PDE4B: variants seen among roughly 807,000 people sequenced by gnomAD.
The protein encoded by PDE4B is phosphodiesterase 4B, also known as 3',5'-cyclic-AMP phosphodiesterase 4B.
Under a neutral mutation model 82.2 loss-of-function variants are expected in PDE4B, and 20 were observed. That is an observed-to-expected ratio of 0.24 (90% CI 0.17 to 0.35). PDE4B has a LOEUF of 0.35. Among genes scored for constraint, PDE4B ranks in the 10% least tolerant of loss-of-function variants. The pLI is 1.00. For missense variants in PDE4B, 655 were observed against 907.2 expected, an observed-to-expected ratio of 0.72 and a Z score of 3.57; for synonymous variants, 320 against 318.9, an observed-to-expected ratio of 1.00 and a Z score of -0.04.
intron 3 of PDE4B, among the ~76,000 whole-genome samples, chr1:65,951,026 C>T (rs115868161): frequency 0.012 from 1,762 of 152,104 alleles, 20 homozygotes; most frequent in Non-Finnish European, 0.018. Flanking sequence ...ATACTCAATC[C>T]CAAATGCCCA....
At chr1:65,843,224 G>C (rs1036045898) in intron 1 of PDE4B, among the ~76,000 whole-genome samples, 4 of 152,138 alleles carry the variant, frequency 2.6e-5, no homozygotes, top group African/African-American at 9.7e-5. Flanking sequence ...CAGAAAGAGT[G>C]AGGCTGAGAA....
Position 65,988,172 on chromosome 1 carries a change from CA to C in PDE4B, c.281+69338del, listed in dbSNP as rs1249143236. On this transcript the variant is annotated intron_variant, in intron 3 of 16. Transcript: ENST00000341517. The stretch of plus-strand genomic sequence containing the variant: ...AATGCTTACTGCCATATATGGCACT[CA>C]GTAGGAATGCAAAAAATGTAAGTTA... 5.9e-5 allele frequency among the ~76,000 whole-genome samples: 9 copies of C among 152,258 alleles called. No individual in the cohort carries two copies. The East Asian group carries it at 1.7e-3, about 29-fold the overall frequency.
chr1:66,067,450 ATT>A (rs1338971212), intron 3 of PDE4B, among the ~76,000 whole-genome samples: 2 of 151,876 alleles, frequency 1.3e-5, no homozygotes, highest in East Asian at 3.9e-4. Flanking sequence ...GATCATGAGC[ATT>A]TTTTCATGTG....
chr1:66,155,080 G>A (rs1001134998), intron 3 of PDE4B, among the ~76,000 whole-genome samples: 1 of 152,104 alleles, frequency 6.6e-6, no homozygotes, highest in Non-Finnish European at 1.5e-5. Flanking sequence ...AGTGAGCTCT[G>A]ATCCTGCCAC....
chr1:66,080,614 C>T (rs888878706), intron 3 of PDE4B, among the ~76,000 whole-genome samples: 1 of 152,094 alleles, frequency 6.6e-6, no homozygotes, highest in Non-Finnish European at 1.5e-5. Context: ...CAGTGTGTCC[C>T]CAGGTGCTGA....
Position 66,280,171 on chromosome 1 carries a change from A to G in PDE4B, c.634+14084A>G, listed in dbSNP as rs114894464. ...CTTCACTTCAAAACAAAATAAAATA[A>G]TCATTCATCCTAGCTCACAGAATTG... On this transcript the variant is annotated intron_variant, in intron 7 of 16. Transcript: ENST00000341517. Among the ~76,000 whole-genome samples, 1,172 of 152,358 alleles carry G rather than the reference A, an allele frequency of 7.7e-3. 15 individuals are homozygous for G. The highest frequency in any genetic ancestry group is 0.027 in the African/African-American group (1,112 of 41,578).
intron 3 of PDE4B, among the ~76,000 whole-genome samples, chr1:66,095,004 G>C (rs1645088112): frequency 6.6e-6 from 1 of 151,866 alleles, no homozygotes; most frequent in African/African-American, 2.4e-5. Flanking sequence ...AGACTGACTG[G>C]TTAAGTAAAA....
chr1:66,232,934 A>G (rs1289900921), intron 3 of PDE4B, among the ~76,000 whole-genome samples: 1 of 152,216 alleles, frequency 6.6e-6, no homozygotes, highest in Non-Finnish European at 1.5e-5. Flanking sequence ...AAATGAGGCA[A>G]TGGATGCAGG....
intron 3 of PDE4B, among the ~76,000 whole-genome samples, chr1:66,100,587 A>G (rs1340765172): frequency 6.6e-6 from 1 of 152,174 alleles, no homozygotes; most frequent in Admixed American, 6.6e-5. Context: ...GTAGCTTGCC[A>G]GAATTTCCAC....
At chr1:66,288,411 A>G (rs559620973) in intron 7 of PDE4B, among the ~76,000 whole-genome samples, 3 of 152,190 alleles carry the variant, frequency 2.0e-5, no homozygotes, top group South Asian at 2.1e-4. Context: ...CATCCAAACC[A>G]TATCACAAAC....
chr1:66,201,716 T>C (rs1251195279), intron 3 of PDE4B, among the ~76,000 whole-genome samples: 3 of 151,622 alleles, frequency 2.0e-5, no homozygotes, highest in East Asian at 1.9e-4. Context: ...TTTTATTGCA[T>C]CTGTTTGATT....
At chr1:65,957,240 A>G (rs982059387) in intron 3 of PDE4B, among the ~76,000 whole-genome samples, 1 of 151,760 alleles carries the variant, frequency 6.6e-6, no homozygotes, top group Non-Finnish European at 1.5e-5. Flanking sequence ...TTATATGGTC[A>G]ATGCTTTGTG....
chr1:65,877,919 A>C (rs1440928598), intron 1 of PDE4B, among the ~76,000 whole-genome samples: 2 of 152,172 alleles, frequency 1.3e-5, no homozygotes, highest in South Asian at 2.1e-4. Context: ...TCTGCACAGC[A>C]AAAGAAACTA....
intron 3 of PDE4B, among the ~76,000 whole-genome samples, chr1:66,235,757 T>C (rs906704399): frequency 1.7e-4 from 26 of 152,042 alleles, no homozygotes; most frequent in Non-Finnish European, 4.4e-5. Flanking sequence ...CTATTTGTCT[T>C]ATCCATTCTG....
At chr1:66,102,295 A>G (rs936283317) in intron 3 of PDE4B, among the ~76,000 whole-genome samples, 1 of 152,112 alleles carries the variant, frequency 6.6e-6, no homozygotes, top group African/African-American at 2.4e-5. Context: ...ATGGAATTTC[A>G]TCATCGTGTT....
intron 3 of PDE4B, among the ~76,000 whole-genome samples, chr1:66,188,738 G>A (rs1214908343): frequency 1.3e-5 from 2 of 151,874 alleles, no homozygotes; most frequent in African/African-American, 2.4e-5. Context: ...CTCTGCACAT[G>A]AGATGGGTTT....
chr1:66,221,708 CAG>C (rs1651003508), intron 3 of PDE4B, among the ~76,000 whole-genome samples: 1 of 152,108 alleles, frequency 6.6e-6, no homozygotes, highest in Non-Finnish European at 1.5e-5. Flanking sequence ...GATACACAAA[CAG>C]ATAAGATCAT....
intron 3 of PDE4B, among the ~76,000 whole-genome samples, chr1:66,102,549 G>A (rs1012881782): frequency 3.3e-5 from 5 of 152,086 alleles, no homozygotes; most frequent in African/African-American, 1.2e-4. Context: ...TTGGACTTAT[G>A]AGAAAAATCC....
intron 3 of PDE4B, among the ~76,000 whole-genome samples, chr1:66,013,485 G>T (rs745721783): frequency 1.3e-5 from 2 of 151,988 alleles, no homozygotes; most frequent in Non-Finnish European, 2.9e-5. Context: ...AAATTTAAGT[G>T]TGGTGAAACA....
Sources: gnomAD v4.1 joint callset for allele counts (sites outside exome capture counted in the v4.1 genomes callset) on GRCh38, gnomAD v4.1.1 for gene constraint, MANE v1.5 for transcripts, NCBI Gene and HGNC (gene_info 2026-07-23, HGNC 2026-07-21) for gene names.